The following PDE11A variants were observed in gnomAD, a reference collection of about 807,000 sequenced individuals.
PDE11A encodes the protein phosphodiesterase 11A, also known as dual 3',5'-cyclic-AMP and -GMP phosphodiesterase 11A.
In PDE11A, 100 loss-of-function variants were observed where a neutral mutation model predicts 100.5. That is an observed-to-expected ratio of 1.00 (90% CI 0.85 to 1.18). The LOEUF (loss-of-function observed/expected upper bound fraction) is 1.18, where lower values mean the gene tolerates loss of function less well. PDE11A is among the 50% of genes most tolerant of loss of function. PDE11A has a pLI of 0.00. For synonymous variants in PDE11A, 381 were observed against 420.8 expected (o/e 0.91, Z 1.16); for missense variants, 1,141 against 1,152.6 (o/e 0.99, Z 0.15).
At chr2:177,861,707 A>T (rs1409187656) in intron 5 of PDE11A, among the ~76,000 whole-genome samples, 1 of 151,976 alleles carries the variant, frequency 6.6e-6, no homozygotes, top group Non-Finnish European at 1.5e-5. Context: ...AGACAATGTG[A>T]TACTGGCATG....
Position 177,905,203 on chromosome 2 carries a change from T to C in PDE11A, c.1072-16A>G, listed in dbSNP as rs1437891945. 7.1e-7 allele frequency: 1 copy of C among 1,410,512 alleles called. No homozygotes were observed. The allele number at this position is 1,410,512 out of a possible 1,614,324, so 87.4% of individuals were successfully genotyped here. A position where few individuals can be genotyped will look rare whatever the true frequency, so the allele number is the denominator to read the frequency against. ...TCTGCATAACCTGGGACAAAGAGAG[T>C]AGTAAGAACATTAAAACATAAGAAC... On this transcript the variant is annotated splice_polypyrimidine_tract_variant and intron_variant, in intron 2 of 19. Transcript: ENST00000286063.
chr2:177,859,719 A>G (rs1395411849), intron 5 of PDE11A, among the ~76,000 whole-genome samples: 1 of 151,854 alleles, frequency 6.6e-6, no homozygotes, highest in African/African-American at 2.4e-5. Context: ...ACTTTAGGTC[A>G]AAAAACAAGT....
chr2:177,701,601 C>A (rs1315442914), intron 13 of PDE11A, among the ~76,000 whole-genome samples: 1 of 152,150 alleles, frequency 6.6e-6, no homozygotes, highest in African/African-American at 2.4e-5. Flanking sequence ...GTGCTATGGA[C>A]GTTCTGAGGA....
chr2:177,833,306 T>A (rs2083340667), intron 6 of PDE11A, among the ~76,000 whole-genome samples: 1 of 152,214 alleles, frequency 6.6e-6, no homozygotes, highest in Non-Finnish European at 1.5e-5. Flanking sequence ...GGACTTTACA[T>A]GTTGCAAACT....
At chr2:178,042,183 T>C (rs1239058588) in intron 1 of PDE11A, among the ~76,000 whole-genome samples, 1 of 152,124 alleles carries the variant, frequency 6.6e-6, no homozygotes, top group African/African-American at 2.4e-5. Context: ...TACAATTAAA[T>C]AAAATTCATC....
chr2:177,811,087 A>C (rs953154330), intron 9 of PDE11A, among the ~76,000 whole-genome samples: 2 of 152,176 alleles, frequency 1.3e-5, no homozygotes, highest in Non-Finnish European at 2.9e-5. Context: ...TAACTGTGAA[A>C]GACACCCCAA....
intron 6 of PDE11A, among the ~76,000 whole-genome samples, chr2:177,834,579 G>T (rs988981815): frequency 1.3e-4 from 20 of 152,318 alleles, no homozygotes; most frequent in African/African-American, 4.8e-4. Flanking sequence ...GCCTGGGCCT[G>T]GGGTGGCTAG....
At chr2:178,067,564 T>A (rs547091258) in intron 1 of PDE11A, among the ~76,000 whole-genome samples, 2 of 152,300 alleles carry the variant, frequency 1.3e-5, no homozygotes, top group Admixed American at 1.3e-4. Flanking sequence ...CCCACAACTA[T>A]CTCTAACTGG....
chr2:177,997,950 A>T lies in PDE11A; in HGVS notation c.1071+16352T>A, dbSNP rs1574332027. ...GTATGTCAAGACCTTCCACTGCGGT[A>T]GTCAAGATACCAAGGTTAGGGAGAA... On this transcript the variant is annotated intron_variant, in intron 2 of 19. Transcript: ENST00000286063. 5 of 1,203,058 alleles carry T rather than the reference A, an allele frequency of 4.2e-6. No homozygotes were observed. The East Asian group carries it at 1.2e-4, about 28-fold the overall frequency. The allele number at this position is 1,203,058 out of a possible 1,614,324, so 74.5% of individuals were successfully genotyped here.
intron 5 of PDE11A, among the ~76,000 whole-genome samples, chr2:177,874,795 T>C (rs551786464): frequency 7.9e-5 from 12 of 152,324 alleles, no homozygotes; most frequent in Non-Finnish European, 1.3e-4. Flanking sequence ...TAGTCAAATA[T>C]GTGATGTGAA....
intron 9 of PDE11A, among the ~76,000 whole-genome samples, chr2:177,774,586 T>A (rs2082353967): frequency 6.6e-6 from 1 of 152,188 alleles, no homozygotes; most frequent in South Asian, 2.1e-4. Context: ...TAACTGTAAA[T>A]GTGGAAGCTT....
chr2:177,724,502 G>T (rs555129973), intron 12 of PDE11A, among the ~76,000 whole-genome samples: 16 of 152,062 alleles, frequency 1.1e-4, no homozygotes, highest in African/African-American at 3.6e-4. Context: ...GTTGTACGTG[G>T]TGCCAAAATT....
At chr2:177,692,776 C>T (rs2081058438) in intron 15 of PDE11A, among the ~76,000 whole-genome samples, 1 of 152,116 alleles carries the variant, frequency 6.6e-6, no homozygotes, top group African/African-American at 2.4e-5. Flanking sequence ...TTTCATATGC[C>T]ATTTGAATGA....
chr2:178,009,508 C>T (rs1389346440), intron 2 of PDE11A, among the ~76,000 whole-genome samples: 1 of 152,080 alleles, frequency 6.6e-6, no homozygotes, highest in Non-Finnish European at 1.5e-5. Flanking sequence ...TATCCAAGAA[C>T]TTTAAAGAGC....
intron 10 of PDE11A, among the ~76,000 whole-genome samples, chr2:177,738,637 A>T (rs2081828810): frequency 6.6e-6 from 1 of 152,034 alleles, no homozygotes; most frequent in Admixed American, 6.5e-5. Context: ...GCCTACATCA[A>T]CCTCAACCTG....
intron 2 of PDE11A, among the ~76,000 whole-genome samples, chr2:178,082,397 C>A (rs1174251343): frequency 1.3e-5 from 2 of 152,004 alleles, no homozygotes; most frequent in Non-Finnish European, 2.9e-5. Flanking sequence ...ATAGTAAAAC[C>A]TTTTTTAAAA....
At chr2:178,098,083 A>G (rs1053036947) in intron 2 of PDE11A, among the ~76,000 whole-genome samples, 2 of 152,214 alleles carry the variant, frequency 1.3e-5, no homozygotes, top group African/African-American at 4.8e-5. Flanking sequence ...CAAGTAACTC[A>G]TAATGGAAAG....
At chr2:177,687,794 T>G (rs1418081031) in intron 15 of PDE11A, 5 of 152,146 alleles carry the variant, frequency 3.3e-5, no homozygotes, top group African/African-American at 1.2e-4. Context: ...GTATGGAACT[T>G]TTGAGAAAAA....
chr2:177,858,753 C>A (rs982492839), intron 5 of PDE11A, among the ~76,000 whole-genome samples: 2 of 152,224 alleles, frequency 1.3e-5, no homozygotes, highest in Non-Finnish European at 2.9e-5. Context: ...TGGGTATATA[C>A]CCAAAGGATT....
Sources: gnomAD v4.1 joint callset for allele counts (sites outside exome capture counted in the v4.1 genomes callset) on GRCh38, gnomAD v4.1.1 for gene constraint, MANE v1.5 for transcripts, NCBI Gene and HGNC (gene_info 2026-07-23, HGNC 2026-07-21) for gene names.